CMPK1: variants seen among roughly 807,000 people sequenced by gnomAD.
The protein encoded by CMPK1 is cytidine/uridine monophosphate kinase 1.
Under a neutral mutation model 25.7 loss-of-function variants are expected in CMPK1, and 10 were observed. The ratio of observed to expected loss-of-function variants is 0.39; its 90% CI spans 0.24 to 0.66. CMPK1 has a LOEUF of 0.66. CMPK1 is among the 30% of genes least tolerant of loss of function. The pLI is 0.48. For synonymous variants in CMPK1, 106 were observed against 101.5 expected, an observed-to-expected ratio of 1.04 and a Z score of -0.27; for missense variants, 199 against 280.5, an observed-to-expected ratio of 0.71 and a Z score of 2.08.
chr1:47,333,950 T>C lies in CMPK1; in HGVS notation c.5T>C (p.Leu2Pro). ...CGTCCGGCCGAGGCGCGGTGTATGC[T>C]GAGCCGCTGCCGCAGCGGGCTGCTC... MLSRCRSGLLHV... is the reference protein window; with the variant it reads MPSRCRSGLLHV... The change falls in exon 1 of 6, where the codon CTG becomes CCG. Residue 2 changes from leucine (L) to proline (P), a missense_variant. This residue lies in a region of CMPK1 where 59 missense variants were observed against 45.1 expected (regional missense o/e 1.31). Transcript: ENST00000371873. The C allele has an allele frequency of 4.1e-6, 6 of 1,473,058 alleles. No homozygotes were observed. Among genetic ancestry groups the C allele is most frequent in the Non-Finnish European group, 5.4e-6 (6 of 1,103,100 alleles). 91.2% of individuals were successfully genotyped at this position (1,473,058 alleles called of 1,614,324 possible). A position where few individuals can be genotyped will look rare whatever the true frequency, so the allele number is the denominator to read the frequency against.
chr1:47,340,524 C>A (rs1197568841), intron 1 of CMPK1, among the ~76,000 whole-genome samples: 1 of 152,094 alleles, frequency 6.6e-6, no homozygotes, highest in Non-Finnish European at 1.5e-5. Context: ...GAGCAGATTT[C>A]CAAGCTCCTC....
At chr1:47,363,059 C>A (rs1029080447) in intron 1 of CMPK1, among the ~76,000 whole-genome samples, 5 of 152,110 alleles carry the variant, frequency 3.3e-5, no homozygotes, top group Non-Finnish European at 7.4e-5. Context: ...TCTGGAAAAT[C>A]CTTATCATAT....
chr1:47,374,633 A>G (rs1388050210), intron 3 of CMPK1, among the ~76,000 whole-genome samples: 2 of 152,220 alleles, frequency 1.3e-5, no homozygotes, highest in Admixed American at 1.3e-4. Flanking sequence ...AATCATACAC[A>G]TACAGATCTT....
intron 2 of CMPK1, among the ~76,000 whole-genome samples, chr1:47,372,720 C>T (rs1322926352): frequency 6.6e-6 from 1 of 152,014 alleles, no homozygotes; most frequent in Non-Finnish European, 1.5e-5. Flanking sequence ...TTGAGAGGGG[C>T]ATATACCCAT....
chr1:47,368,547 C>G lies in CMPK1; in HGVS notation c.250C>G (p.Leu84Val). 6.2e-7 allele frequency: 1 copy of G among 1,612,648 alleles called. No homozygotes were observed. Among genetic ancestry groups the G allele is most frequent in the Non-Finnish European group, 8.5e-7 (1 of 1,179,188 alleles). Residue 84 changes from leucine to valine, a missense_variant, in exon 2 of 6, where the codon CTT becomes GTT. By Grantham distance (32) the Leu-to-Val change is conservative. Transcript: ENST00000371873. ...GAACCCAGATTCACAGTATGGTGAACTTATTGAAAAGTACATTAAAGAAGG... is the reference window on the plus strand; with the variant it reads ...GAACCCAGATTCACAGTATGGTGAAGTTATTGAAAAGTACATTAAAGAAGG... ...RKNPDSQYGE[L>V]IEKYIKEGKI...
intron 1 of CMPK1, chr1:47,358,689 C>T: frequency 2.0e-6 from 2 of 985,646 alleles, no homozygotes; most frequent in Non-Finnish European, 2.4e-6. Flanking sequence ...ATGTAAGGTT[C>T]AGGTTCTTGT....
At chr1:47,357,485 T>TC (rs1646569860) in intron 1 of CMPK1, among the ~76,000 whole-genome samples, 1 of 149,346 alleles carries the variant, frequency 6.7e-6, no homozygotes, top group East Asian at 2.0e-4. Context: ...ATGGATTCTT[T>TC]TTTTTTTTTT....
intron 2 of CMPK1, among the ~76,000 whole-genome samples, chr1:47,369,341 A>G (rs1236525496): frequency 6.6e-6 from 1 of 152,030 alleles, no homozygotes; most frequent in Non-Finnish European, 1.5e-5. Context: ...GAAGGTGGTT[A>G]TGCTTGAGAA....
intron 1 of CMPK1, among the ~76,000 whole-genome samples, chr1:47,362,133 T>C (rs1283486909): frequency 1.4e-5 from 2 of 145,076 alleles, no homozygotes; most frequent in Non-Finnish European, 3.0e-5. Context: ...GCCTCCCAAA[T>C]TGTTGGGATT....
At chr1:47,350,403 G>A (rs1389167236) in intron 1 of CMPK1, among the ~76,000 whole-genome samples, 2 of 152,026 alleles carry the variant, frequency 1.3e-5, no homozygotes, top group African/African-American at 4.8e-5. Context: ...CCAATTTATG[G>A]GTTGAGGTTG....
intron 1 of CMPK1, among the ~76,000 whole-genome samples, chr1:47,353,477 T>C (rs1000829836): frequency 6.6e-6 from 1 of 152,212 alleles, no homozygotes; most frequent in Non-Finnish European, 1.5e-5. Context: ...AATTGATTTT[T>C]GTATTTAGAG....
chr1:47,353,448 A>AT lies in CMPK1; in HGVS notation c.172-15016dup, dbSNP rs557779544. ...AAGGAGTGGATCACTTTCCAGAAAA[A>AT]TTTTTATCTAAACACTTGAATTGAT... is the stretch of plus-strand genomic sequence containing the variant. On this transcript the variant is annotated intron_variant, in intron 1 of 5. Transcript: ENST00000371873. Among the ~76,000 whole-genome samples, 457 of 152,252 alleles carry AT rather than the reference A, an allele frequency of 3.0e-3. 1 individual carries two copies. The highest frequency in any genetic ancestry group is 0.011 in the African/African-American group (439 of 41,532).
intron 1 of CMPK1, among the ~76,000 whole-genome samples, chr1:47,346,421 T>C (rs1005448913): frequency 2.6e-5 from 4 of 152,156 alleles, no homozygotes; most frequent in Non-Finnish European, 5.9e-5. Context: ...GTGTACTGTT[T>C]CTCATACGCT....
chr1:47,374,993 G>A lies in CMPK1; in HGVS notation c.548+8G>A, dbSNP rs1350036895. ...AGAGAGCTTGGAAAAGAGGTACTTG[G>A]CAGTTTTTACATACAACCACTTCAA... is the stretch of plus-strand genomic sequence containing the variant. On this transcript the variant is annotated splice_region_variant and intron_variant, in intron 4 of 5. Transcript: ENST00000371873. 1.9e-6 allele frequency: 3 copies of A among 1,605,772 alleles called. No homozygotes were observed. The South Asian group carries it at 3.3e-5, about 18-fold the overall frequency.
At position 47,377,894 on chromosome 1, in the gene CMPK1, C is replaced by A. The variant is rs1646717884; in HGVS notation, c.*1149C>A. The A allele has an allele frequency of 6.6e-6, 1 of 152,564 alleles. No individual in the cohort carries two copies. Among genetic ancestry groups the A allele is most frequent in the Non-Finnish European group, 1.5e-5 (1 of 68,018 alleles). The allele number at this position is 152,564 out of a possible 1,614,324, so 9.5% of individuals were successfully genotyped here. A position where few individuals can be genotyped will look rare whatever the true frequency, so the allele number is the denominator to read the frequency against. On this transcript the variant is annotated 3_prime_UTR_variant, in exon 6 of 6. Transcript: ENST00000371873. ...TAGAGTCCAAAGGAATATTCTTTTA[C>A]ACCAATTCTTCCTTTAAAAATCTCT... is the stretch of plus-strand genomic sequence containing the variant.
At chr1:47,363,710 C>T (rs989253924) in intron 1 of CMPK1, among the ~76,000 whole-genome samples, 2 of 151,504 alleles carry the variant, frequency 1.3e-5, no homozygotes, top group African/African-American at 2.4e-5. Flanking sequence ...TTTGGAAGGC[C>T]GAGGCTGACG....
At chr1:47,349,106 C>T (rs1646504210) in intron 1 of CMPK1, among the ~76,000 whole-genome samples, 2 of 152,136 alleles carry the variant, frequency 1.3e-5, no homozygotes, top group South Asian at 2.1e-4. Flanking sequence ...TCAAATATGC[C>T]TAGCTTTCTG....
intron 1 of CMPK1, among the ~76,000 whole-genome samples, chr1:47,354,211 CCCAG>C (rs1646542213): frequency 6.6e-6 from 1 of 152,062 alleles, no homozygotes. Flanking sequence ...TGCTCGTAGT[CCCAG>C]CTACTCGGGA....
At chr1:47,369,909 CTT>C (rs60145419) in intron 2 of CMPK1, among the ~76,000 whole-genome samples, 71 of 93,668 alleles carry the variant, frequency 7.6e-4, no homozygotes, top group Admixed American at 1.1e-3. Flanking sequence ...CTTTCTCTCT[CTT>C]TTTTTTTTTT....
Sources: gnomAD v4.1 joint callset for allele counts (sites outside exome capture counted in the v4.1 genomes callset) on GRCh38, gnomAD v4.1.1 for gene constraint, gnomAD v4.1.1 regional missense constraint, MANE v1.5 for transcripts, NCBI Gene and HGNC (gene_info 2026-07-23, HGNC 2026-07-21) for gene names.